MSRA: variants seen among roughly 807,000 people sequenced by gnomAD.
MSRA encodes methionine sulfoxide reductase A, also known as mitochondrial peptide methionine sulfoxide reductase.
A neutral mutation model predicts 31.3 loss-of-function variants in MSRA; 54 were observed. The ratio of observed to expected loss-of-function variants is 1.73; its 90% CI spans 1.39 to 2.17. The LOEUF is 2.17. MSRA is among the 30% of genes most tolerant of loss of function. The probability of loss-of-function intolerance (pLI) is 0.00; values close to 1 mark genes in which losing one functional copy is unlikely to be tolerated. For missense variants in MSRA, 507 were observed against 300.9 expected (o/e 1.69, Z -5.07); for synonymous variants, 169 against 116.5 (o/e 1.45, Z -2.90).
At chr8:10,183,143 G>C (rs994868368) in intron 1 of MSRA, among the ~76,000 whole-genome samples, 1 of 152,100 alleles carries the variant, frequency 6.6e-6, no homozygotes, top group Non-Finnish European at 1.5e-5. Context: ...CTTTGTGTTT[G>C]CTCTTAGCTC....
chr8:10,292,850 G>A (rs559503168), intron 3 of MSRA, among the ~76,000 whole-genome samples: 18 of 152,274 alleles, frequency 1.2e-4, no homozygotes, highest in Non-Finnish European at 2.4e-4. Flanking sequence ...AGCAGGAGCC[G>A]GTGGTGGGTG....
At chr8:10,073,874 C>T (rs1165547786) in intron 1 of MSRA, among the ~76,000 whole-genome samples, 2 of 151,950 alleles carry the variant, frequency 1.3e-5, no homozygotes, top group African/African-American at 4.8e-5. Flanking sequence ...TTCTTGACCT[C>T]AACCTTCTTT....
intron 5 of MSRA, among the ~76,000 whole-genome samples, chr8:10,378,003 C>G (rs1007655007): frequency 6.6e-6 from 1 of 152,258 alleles, no homozygotes; most frequent in Admixed American, 6.5e-5. Context: ...AGCTTCTAAT[C>G]AGCACCACCT....
intron 5 of MSRA, among the ~76,000 whole-genome samples, chr8:10,418,499 A>T (rs1255603637): frequency 3.3e-5 from 5 of 152,050 alleles, no homozygotes; most frequent in African/African-American, 1.2e-4. Flanking sequence ...ATAGGATGTA[A>T]TCATGGTTGG....
intron 3 of MSRA, among the ~76,000 whole-genome samples, chr8:10,259,105 G>GAAAAA (rs374191943): frequency 7.4e-6 from 1 of 135,046 alleles, no homozygotes; most frequent in Non-Finnish European, 1.6e-5. Flanking sequence ...TCTGTCAAAG[G>GAAAAA]AAAAAAAAAA....
At chr8:10,068,315 TAA>T (rs1797563059) in intron 1 of MSRA, among the ~76,000 whole-genome samples, 1 of 152,216 alleles carries the variant, frequency 6.6e-6, no homozygotes, top group African/African-American at 2.4e-5. Context: ...GAGAAGTTTT[TAA>T]TTTAAATGAC....
At chr8:10,405,572 C>A (rs1194440361) in intron 5 of MSRA, among the ~76,000 whole-genome samples, 6 of 152,192 alleles carry the variant, frequency 3.9e-5, no homozygotes, top group African/African-American at 1.4e-4. Context: ...ACTTGGACTA[C>A]TAAGGACCCC....
chr8:10,313,734 C>G (rs1034043843), intron 4 of MSRA, among the ~76,000 whole-genome samples: 4 of 152,160 alleles, frequency 2.6e-5, no homozygotes, highest in Non-Finnish European at 5.9e-5. Context: ...AGCAAAGATA[C>G]TTGCATAAGA....
At chr8:10,124,315 A>T (rs1801339328) in intron 1 of MSRA, among the ~76,000 whole-genome samples, 1 of 152,186 alleles carries the variant, frequency 6.6e-6, no homozygotes, top group Non-Finnish European at 1.5e-5. Flanking sequence ...TGAGTGTGGT[A>T]TAATGGCATG....
intron 1 of MSRA, among the ~76,000 whole-genome samples, chr8:10,178,677 G>A (rs1224191361): frequency 6.6e-6 from 1 of 152,162 alleles, no homozygotes; most frequent in South Asian, 2.1e-4. Flanking sequence ...AGTAACTCAG[G>A]TTTTGTTTCT....
chr8:10,139,377 T>C (rs1422291364), intron 1 of MSRA, among the ~76,000 whole-genome samples: 1 of 152,220 alleles, frequency 6.6e-6, no homozygotes, highest in East Asian at 1.9e-4. Flanking sequence ...TTTTCACTTA[T>C]TTTTTATACT....
intron 1 of MSRA, among the ~76,000 whole-genome samples, chr8:10,082,874 C>G (rs1236615282): frequency 6.6e-6 from 1 of 152,242 alleles, no homozygotes; most frequent in Admixed American, 6.5e-5. Flanking sequence ...AGTAGGAATT[C>G]AATCAATATT....
chr8:10,296,672 G>T (rs891269324), intron 3 of MSRA, among the ~76,000 whole-genome samples: 2 of 152,226 alleles, frequency 1.3e-5, no homozygotes, highest in African/African-American at 2.4e-5. Flanking sequence ...CACCCAGTTT[G>T]CAGGTGAAGA....
chr8:10,365,268 G>A (rs544620964), intron 5 of MSRA, among the ~76,000 whole-genome samples: 4 of 150,182 alleles, frequency 2.7e-5, no homozygotes, highest in South Asian at 2.1e-4. Flanking sequence ...CCCCTCCCCC[G>A]CTCCCTCCGA....
chr8:10,196,548 T>G (rs910265325), intron 1 of MSRA, among the ~76,000 whole-genome samples: 1 of 151,922 alleles, frequency 6.6e-6, no homozygotes, highest in Non-Finnish European at 1.5e-5. Flanking sequence ...AAAAAATGTA[T>G]TTATTTATTT....
chr8:10,239,830 T>G (rs780744471), intron 2 of MSRA, among the ~76,000 whole-genome samples: 15 of 152,324 alleles, frequency 9.8e-5, no homozygotes, highest in South Asian at 2.1e-4. Context: ...ACGTGTATTA[T>G]TCATTTGGGG....
At chr8:10,348,816 C>G (rs1463067856) in intron 5 of MSRA, among the ~76,000 whole-genome samples, 1 of 152,258 alleles carries the variant, frequency 6.6e-6, no homozygotes, top group African/African-American at 2.4e-5. Context: ...CTGGGATCTG[C>G]AGGGTCTTGG....
chr8:10,336,614 A>G (rs939747123), intron 5 of MSRA, among the ~76,000 whole-genome samples: 32 of 152,210 alleles, frequency 2.1e-4, no homozygotes, highest in African/African-American at 7.5e-4. Context: ...GCTCTTGTTT[A>G]CATGAGTAGC....
chr8:10,074,769 C>T (rs1797921244), intron 1 of MSRA, among the ~76,000 whole-genome samples: 1 of 152,154 alleles, frequency 6.6e-6, no homozygotes, highest in Non-Finnish European at 1.5e-5. Flanking sequence ...AGTGATTCTT[C>T]TGCCTCAGCC....
Sources: allele counts gnomAD v4.1 joint callset (sites outside exome capture counted in the v4.1 genomes callset), GRCh38; gene constraint gnomAD v4.1.1; transcripts MANE v1.5; gene names NCBI Gene and HGNC (gene_info 2026-07-23, HGNC 2026-07-21).